OXER1: variants seen among roughly 807,000 people sequenced by gnomAD.
The protein encoded by OXER1 is oxoeicosanoid receptor 1.
For synonymous variants in OXER1, 258 were observed against 245.8 expected, an observed-to-expected ratio of 1.05 and a Z score of -0.47; for missense variants, 587 against 551.7, an observed-to-expected ratio of 1.06 and a Z score of -0.64.
Position 42,763,928 on chromosome 2 carries a change from G to C in OXER1, c.252C>G (p.His84Gln). The C allele has an allele frequency of 1.2e-6, 2 of 1,613,942 alleles. No individual in the cohort carries two copies. Among genetic ancestry groups the C allele is most frequent in the Non-Finnish European group, 1.7e-6 (2 of 1,180,008 alleles). Residue 84 changes from histidine (H) to glutamine (Q), a missense_variant, in exon 1 of 1, where the codon CAC (histidine) becomes CAG (glutamine). Transcript: ENST00000378661. This position sits in a 1 kb window ranked among gnomAD's most constrained non-coding sequence, Gnocchi z 4.4. ...CAGACACCAGCGAGGAAGAGGTGGGGTGGCAGGGCCCTCCAGAGGACCCCC... is the reference window on the plus strand; with the variant it reads ...CAGACACCAGCGAGGAAGAGGTGGGCTGGCAGGGCCCTCCAGAGGACCCCC...
chr2:42,762,790 C>T (rs1670500060), exon 1 of OXER1: 2 of 1,240,978 alleles, frequency 1.6e-6, no homozygotes, highest in South Asian at 1.5e-5. Flanking sequence ...TTGGCCTGGC[C>T]CCTGGTCTGC....
At chr2:42,762,654 GCACCT>G in exon 1 of OXER1, 22 of 508,744 alleles carry the variant, frequency 4.3e-5, no homozygotes, top group South Asian at 2.0e-4. Context: ...TGTGCCAACG[GCACCT>G]TGCCTGTCTC....
At chr2:42,762,516 T>G in exon 1 of OXER1, 1 of 186,302 alleles carries the variant, frequency 5.4e-6, no homozygotes, top group Non-Finnish European at 1.1e-5. Flanking sequence ...AAAAGGGAAG[T>G]TTATTAATAT....
chr2:42,764,079 G>T, exon 1 of OXER1: 1 of 1,614,090 alleles, frequency 6.2e-7, no homozygotes, highest in Non-Finnish European at 8.5e-7. Context: ...CTTGGGCCAT[G>T]GGCCTGAGAG....
chr2:42,763,196 T>G lies in OXER1; in HGVS notation c.984A>C (p.Arg328=), dbSNP rs1992286. 0.58 allele frequency: 941,888 copies of G among 1,612,480 alleles called. 283,845 individuals carry two copies. The highest frequency in any genetic ancestry group is 0.9 in the African/African-American group (67,782 of 75,044). ...AGAGCTGTGTGCAGAGGTCCAGGGA[T>G]CGGCAGGCGGACAGCCAGAAAGCCA... The change falls in exon 1 of 1, where the codon CGA becomes CGC. Residue 328 remains arginine, a synonymous_variant. Coordinates refer to ENST00000378661, the Ensembl canonical transcript of OXER1. This position sits in a 1 kb window ranked among gnomAD's most constrained non-coding sequence, Gnocchi z 4.4.
In OXER1 at chr2:42,763,034, G is replaced by A. The variant is rs145580414; in HGVS notation, c.1146C>T (p.Asp382=). 2.0e-4 allele frequency: 327 copies of A among 1,614,098 alleles called. No individual in the cohort carries two copies. The African/African-American group carries it at 3.8e-3, about 19-fold the overall frequency. Residue 382 remains aspartate, a synonymous_variant, in exon 1 of 1, where the codon GAC becomes GAT. Coordinates refer to ENST00000378661, the Ensembl canonical transcript of OXER1. This position sits in a 1 kb window ranked among gnomAD's most constrained non-coding sequence, Gnocchi z 4.4. ...GCCTGGAGGGTTGGTAGGAGCTCTC[G>A]TCGCTCACTGGGCCCTGCCGGCCCC...
chr2:42,762,916 G>A, the OXER1 span: 8 of 1,612,076 alleles, frequency 5.0e-6, no homozygotes, highest in South Asian at 8.8e-5. Context: ...CCTCAGCCCT[G>A]GGAGGAGCCT....
exon 1 of OXER1, chr2:42,762,875 AC>A (rs1670503492): frequency 3.8e-6 from 6 of 1,578,484 alleles, no homozygotes; most frequent in Non-Finnish European, 5.2e-6. Flanking sequence ...GGCAGCCCTT[AC>A]CCCCACAGCG....
rs374950829 is a variant in OXER1 at position 42,763,098 on chromosome 2, T to C, written c.1082A>G (p.Asn361Ser). The C allele has an allele frequency of 5.6e-5, 91 of 1,613,776 alleles. No homozygotes were observed. The African/African-American group carries it at 7.5e-4, about 13-fold the overall frequency. Residue 361 changes from asparagine to serine, a missense_variant, in exon 1 of 1, where the codon AAC (asparagine) becomes AGC (serine). Transcript: ENST00000378661. This position sits in a 1 kb window ranked among gnomAD's most constrained non-coding sequence, Gnocchi z 4.4. ...CAAGGCCCGGCTCTGGTGGAGGAAG[T>C]TGGGGCTAGAGAAGCAGTAGAGCAC...
chr2:42,762,671 T>C, exon 1 of OXER1: 1 of 534,236 alleles, frequency 1.9e-6, no homozygotes, highest in Non-Finnish European at 3.3e-6. Flanking sequence ...GCCTGTCTCC[T>C]CCACCCGGCA....
At position 42,763,464 on chromosome 2, in the gene OXER1, C is replaced by T; in HGVS notation, c.716G>A (p.Ser239Asn). 1 of 1,562,186 alleles carries T rather than the reference C, an allele frequency of 6.4e-7. No individual in the cohort carries two copies. Among genetic ancestry groups the T allele is most frequent in the Admixed American group, 1.9e-5 (1 of 52,092 alleles). ...CGAGGGCTTCGTGCCCACCCTGTAG[C>T]TGAGGCAGGAGGGGCCGGAGAAGGT... is the stretch of plus-strand genomic sequence containing the variant. The change falls in exon 1 of 1, where the codon AGC becomes AAC. Residue 239 changes from serine to asparagine, a missense_variant. Ser to Asn is a conservative substitution (Grantham distance 46). Transcript: ENST00000378661. This position sits in a 1 kb window ranked among gnomAD's most constrained non-coding sequence, Gnocchi z 4.4.
the OXER1 span, chr2:42,763,312 GGCCT>G: frequency 1.2e-6 from 2 of 1,613,094 alleles, no homozygotes; most frequent in South Asian, 1.1e-5. The surrounding 1 kb of genome is among the most constrained non-coding windows in gnomAD (Gnocchi z 4.4). Context: ...GCCCTCTGCG[GGCCT>G]GCCTGCCCGC....
chr2:42,762,888 T>C, exon 1 of OXER1: 1 of 1,599,938 alleles, frequency 6.3e-7, no homozygotes, highest in Non-Finnish European at 8.5e-7. Flanking sequence ...CCCACAGCGC[T>C]GCAGCCCTGC....
exon 1 of OXER1, chr2:42,762,634 T>G: frequency 2.1e-6 from 1 of 478,184 alleles, no homozygotes; most frequent in Non-Finnish European, 3.7e-6. Context: ...CAGGCCCCTG[T>G]CTGAGCTGGT....
At chr2:42,764,060 C>G (rs34142793) in exon 1 of OXER1, 43,126 of 1,614,038 alleles carry the variant, frequency 0.027, 681 homozygotes, top group Middle Eastern at 0.048. Context: ...TATGAAGTTC[C>G]ATGGGCTGCT....
In OXER1 at chr2:42,763,923, G is replaced by T. The variant is rs764990353; in HGVS notation, c.257C>A (p.Thr86Asn). Residue 86 changes from threonine to asparagine, a missense_variant, in exon 1 of 1, where the codon ACC becomes AAC. Thr to Asn is a moderately conservative substitution (Grantham distance 65). Transcript: ENST00000378661. This position sits in a 1 kb window ranked among gnomAD's most constrained non-coding sequence, Gnocchi z 4.4. ...GAAGGCAGACACCAGCGAGGAAGAG[G>T]TGGGGTGGCAGGGCCCTCCAGAGGA... 6.2e-7 allele frequency: 1 copy of T among 1,613,952 alleles called. No individual in the cohort carries two copies.
At position 42,763,102 on chromosome 2, in the gene OXER1, G is replaced by T. The variant is rs1164952635; in HGVS notation, c.1078C>A (p.Pro360Thr). 6.2e-7 allele frequency: 1 copy of T among 1,614,198 alleles called. No homozygotes were observed. Among genetic ancestry groups the T allele is most frequent in the South Asian group, 1.1e-5 (1 of 91,086 alleles). Reference sequence around the variant, plus strand: ...GCCCGGCTCTGGTGGAGGAAGTTGGGGCTAGAGAAGCAGTAGAGCACGGGG... The same window carrying T: ...GCCCGGCTCTGGTGGAGGAAGTTGGTGCTAGAGAAGCAGTAGAGCACGGGG... Residue 360 changes from proline (P) to threonine (T), a missense_variant, in exon 1 of 1, where the codon CCC becomes ACC. Physicochemically the swap from Pro to Thr is conservative, Grantham distance 38. Transcript: ENST00000378661. This position sits in a 1 kb window ranked among gnomAD's most constrained non-coding sequence, Gnocchi z 4.4.
At position 42,763,161 on chromosome 2, in the gene OXER1, G is replaced by C; in HGVS notation, c.1019C>G (p.Ser340Cys). ...ACTGTTGAGGTAGGTGAAGGCCAGG[G>C]AGCCATGGAAGAGCTGTGTGCAGAG... The change falls in exon 1 of 1, where the codon TCC becomes TGC. Residue 340 changes from serine to cysteine, a missense_variant. Coordinates refer to ENST00000378661, the Ensembl canonical transcript of OXER1. This position sits in a 1 kb window ranked among gnomAD's most constrained non-coding sequence, Gnocchi z 4.4. 1 of 1,613,970 alleles carries C rather than the reference G, an allele frequency of 6.2e-7. No homozygotes were observed. Among genetic ancestry groups the C allele is most frequent in the Non-Finnish European group, 8.5e-7 (1 of 1,179,860 alleles).
chr2:42,762,946 C>T lies in OXER1; in HGVS notation c.1234G>A (p.Glu412Lys), dbSNP rs777119606. ...GAGCCTTCCTTTTCCAGAGAGACCT[C>T]GCCCTGCACTTTCAGCTTCCCTATG... Residue 412 changes from glutamate (E) to lysine (K), a missense_variant, in exon 1 of 1, where the codon GAG becomes AAG. Glu to Lys is a moderately conservative substitution (Grantham distance 56). Coordinates refer to ENST00000378661, the Ensembl canonical transcript of OXER1. The T allele has an allele frequency of 1.2e-5, 20 of 1,613,436 alleles. No homozygotes were observed. The highest frequency in any genetic ancestry group is 1.2e-4 in the South Asian group (11 of 91,074).
Sources: allele counts gnomAD v4.1 joint callset, GRCh38; gene constraint gnomAD v4.1.1; non-coding constraint Gnocchi (gnomAD v3.1); transcripts MANE v1.5; gene names NCBI Gene and HGNC (gene_info 2026-07-23, HGNC 2026-07-21).